The following AGFG1 variants were observed in gnomAD, a reference collection of about 807,000 sequenced individuals.
AGFG1 encodes the protein ArfGAP with FG repeats 1.
Under a neutral mutation model 60.6 loss-of-function variants are expected in AGFG1, and 10 were observed. The observed-to-expected ratio is 0.16, with a 90% confidence interval of 0.10 to 0.28. AGFG1 has a LOEUF of 0.28. Among genes scored for constraint, AGFG1 ranks in the 10% least tolerant of loss-of-function variants. The pLI, the probability that AGFG1 is intolerant of heterozygous loss-of-function variation, is 1.00. For missense variants in AGFG1, 537 were observed against 676.5 expected (o/e 0.79, Z 2.29); for synonymous variants, 247 against 242.9 (o/e 1.02, Z -0.16).
At chr2:227,512,124 C>G (rs1691513800) in intron 2 of AGFG1, among the ~76,000 whole-genome samples, 2 of 152,186 alleles carry the variant, frequency 1.3e-5, no homozygotes, top group Admixed American at 6.5e-5. Context: ...TACTACCTTA[C>G]CTGTCCATTT....
chr2:227,478,484 C>T (rs1455798368), intron 1 of AGFG1, among the ~76,000 whole-genome samples: 2 of 151,996 alleles, frequency 1.3e-5, no homozygotes, highest in Non-Finnish European at 2.9e-5. Flanking sequence ...CCTGGGACTA[C>T]AGGCGCGTGC....
At chr2:227,503,148 ACCTGAGCTTT>A (rs1691210360) in intron 2 of AGFG1, among the ~76,000 whole-genome samples, 1 of 151,338 alleles carries the variant, frequency 6.6e-6, no homozygotes, top group African/African-American at 2.4e-5. Flanking sequence ...TGGGGGGATC[ACCTGAGCTTT>A]GGGGAGGTTT....
At chr2:227,546,783 ATAG>A (rs1006192167) in intron 10 of AGFG1, among the ~76,000 whole-genome samples, 46 of 152,370 alleles carry the variant, frequency 3.0e-4, no homozygotes, top group African/African-American at 9.4e-4. Flanking sequence ...TAATTTTTAA[ATAG>A]TAGGAAATTT....
At chr2:227,500,815 A>G (rs1273726729) in intron 2 of AGFG1, among the ~76,000 whole-genome samples, 1 of 151,788 alleles carries the variant, frequency 6.6e-6, no homozygotes, top group Non-Finnish European at 1.5e-5. Context: ...TTTTTGAGAC[A>G]GAGTTTCGCT....
intron 1 of AGFG1, among the ~76,000 whole-genome samples, chr2:227,473,044 C>T (rs1395609458): frequency 2.3e-4 from 20 of 88,488 alleles, no homozygotes; most frequent in Admixed American, 8.8e-4. Context: ...CCGGGAGCCG[C>T]GGTGCGGAGC....
chr2:227,521,941 A>T (rs1691839199), intron 3 of AGFG1, among the ~76,000 whole-genome samples: 1 of 152,216 alleles, frequency 6.6e-6, no homozygotes, highest in South Asian at 2.1e-4. Flanking sequence ...GGTGACCATC[A>T]TTAAGAGGGC....
chr2:227,522,950 A>G (rs1466522835), intron 3 of AGFG1, among the ~76,000 whole-genome samples: 3 of 152,226 alleles, frequency 2.0e-5, no homozygotes, highest in African/African-American at 7.2e-5. Context: ...AAAGCAGAGT[A>G]GCTATGAGTA....
intron 6 of AGFG1, chr2:227,532,235 C>T (rs758972194): frequency 2.0e-6 from 3 of 1,511,738 alleles, no homozygotes; most frequent in South Asian, 2.5e-5. Context: ...AAGTAGGCAT[C>T]TTATACTAAT....
chr2:227,503,843 A>G (rs1372405906), intron 2 of AGFG1, among the ~76,000 whole-genome samples: 1 of 152,208 alleles, frequency 6.6e-6, no homozygotes, highest in Non-Finnish European at 1.5e-5. Flanking sequence ...TATTCATAAT[A>G]GTCTTGTTCT....
intron 1 of AGFG1, among the ~76,000 whole-genome samples, chr2:227,473,072 C>T (rs1159399647): frequency 1.4e-5 from 2 of 140,314 alleles, no homozygotes; most frequent in Non-Finnish European, 3.1e-5. Flanking sequence ...CTGCTGGGCG[C>T]TCCTGCTGGG....
intron 1 of AGFG1, among the ~76,000 whole-genome samples, chr2:227,474,785 G>C (rs886589899): frequency 7.2e-5 from 11 of 152,230 alleles, no homozygotes; most frequent in Non-Finnish European, 1.3e-4. Context: ...GAAAGATCAA[G>C]TACTTATGAG....
intron 5 of AGFG1, among the ~76,000 whole-genome samples, chr2:227,529,234 T>A (rs1692090240): frequency 6.6e-6 from 1 of 152,186 alleles, no homozygotes; most frequent in African/African-American, 2.4e-5. Context: ...AACTGAAATG[T>A]CTTTTTCCAG....
At chr2:227,539,906 G>C in intron 10 of AGFG1, among the ~76,000 whole-genome samples, 1 of 152,110 alleles carries the variant, frequency 6.6e-6, no homozygotes. Context: ...CTTAATCTTT[G>C]CTCACTGCAG....
chr2:227,532,223 T>C (rs1216086679), intron 6 of AGFG1: 2 of 1,536,018 alleles, frequency 1.3e-6, no homozygotes, highest in Non-Finnish European at 8.8e-7. Context: ...AGTTCTGTTG[T>C]CAAGTAGGCA....
At chr2:227,480,107 A>G (rs989787321) in intron 1 of AGFG1, among the ~76,000 whole-genome samples, 2 of 152,256 alleles carry the variant, frequency 1.3e-5, no homozygotes, top group African/African-American at 4.8e-5. Flanking sequence ...AATCTGATCA[A>G]GATGGTAAGG....
At chr2:227,489,301 G>C (rs1690731627) in intron 1 of AGFG1, among the ~76,000 whole-genome samples, 1 of 131,962 alleles carries the variant, frequency 7.6e-6, no homozygotes, top group Non-Finnish European at 1.5e-5. Flanking sequence ...CGCAATCTCA[G>C]CTCACTGCAA....
rs1346295988 is a variant in AGFG1 at position 227,559,363 on chromosome 2, T to A, written c.*4868T>A. On this transcript the variant is annotated 3_prime_UTR_variant, in exon 13 of 13. Transcript: ENST00000310078. ...AGGAAATAGCTCTTCTTATGCCACA[T>A]CTTAGTCTGATTTTGAAGTCAGTTG... The A allele has an allele frequency of 6.6e-6, 1 of 152,226 alleles. No homozygotes were observed. The highest frequency in any genetic ancestry group is 1.5e-5 in the Non-Finnish European group (1 of 68,028). 9.4% of individuals were successfully genotyped at this position (152,226 alleles called of 1,614,324 possible).
intron 2 of AGFG1, among the ~76,000 whole-genome samples, chr2:227,500,941 C>T (rs564440581): frequency 5.9e-5 from 9 of 151,902 alleles, no homozygotes; most frequent in Non-Finnish European, 5.9e-5. Context: ...TACAGGCGCT[C>T]GCCACCACGC....
intron 1 of AGFG1, among the ~76,000 whole-genome samples, chr2:227,481,323 G>C (rs934607513): frequency 1.8e-4 from 28 of 152,160 alleles, no homozygotes; most frequent in African/African-American, 6.5e-4. Flanking sequence ...AGTGTCTTGA[G>C]TTTGAAGTCT....
Sources: gnomAD v4.1 joint callset for allele counts (sites outside exome capture counted in the v4.1 genomes callset) on GRCh38, gnomAD v4.1.1 for gene constraint, MANE v1.5 for transcripts, NCBI Gene and HGNC (gene_info 2026-07-23, HGNC 2026-07-21) for gene names.